CES5A: variants seen among roughly 807,000 people sequenced by gnomAD.
CES5A encodes carboxylesterase 5.
In CES5A, 67 loss-of-function variants were observed where a neutral mutation model predicts 62.9. The ratio of observed to expected loss-of-function variants is 1.07; its 90% CI spans 0.88 to 1.31. The LOEUF (loss-of-function observed/expected upper bound fraction) is 1.31. Among genes scored for constraint, CES5A ranks in the 50% most tolerant of loss-of-function variants. CES5A has a pLI of 0.00. For missense variants in CES5A, 748 were observed against 708.5 expected, an observed-to-expected ratio of 1.06 and a Z score of -0.63; for synonymous variants, 296 against 280.8, an observed-to-expected ratio of 1.05 and a Z score of -0.54.
chr16:55,912,369 T>C (rs999843444), intron 1 of CES5A, among the ~76,000 whole-genome samples: 3 of 152,210 alleles, frequency 2.0e-5, no homozygotes. Flanking sequence ...GGAGCTGTGC[T>C]GTGCCGGGTC....
intron 2 of CES5A, among the ~76,000 whole-genome samples, chr16:55,940,666 C>T (rs925034126): frequency 9.9e-5 from 15 of 151,616 alleles, no homozygotes; most frequent in African/African-American, 3.4e-4. Context: ...AACATATACC[C>T]AACTCATTTC....
In CES5A at chr16:55,857,973, T is replaced by C. The variant is rs541674926; in HGVS notation, c.1057-1528A>G. On this transcript the variant is annotated intron_variant, in intron 8 of 12. Coordinates refer to ENST00000290567, the MANE Select transcript of CES5A (RefSeq NM_001143685.2). ...ACTTTGGGAGGCCAAAGCAGGTGGA[T>C]CACTTGAGGTCAGGAGTTGGAAACC... Among the ~76,000 whole-genome samples, 49 of 152,218 alleles carry C rather than the reference T, an allele frequency of 3.2e-4. No homozygotes were observed. The South Asian group carries it at 0.01, about 32-fold the overall frequency.
In CES5A at chr16:55,869,657, G is replaced by T. The variant is rs764669055; in HGVS notation, c.505C>A (p.Leu169Met). 2.5e-6 allele frequency: 4 copies of T among 1,613,578 alleles called. No individual in the cohort carries two copies. The African/African-American group carries it at 5.3e-5, about 22-fold the overall frequency. The change falls in exon 4 of 13, where the codon CTG (leucine) becomes ATG (methionine). Residue 169 changes from leucine to methionine, a missense_variant. Physicochemically the swap from Leu to Met is conservative, Grantham distance 15. Coordinates refer to ENST00000290567, the MANE Select transcript of CES5A (RefSeq NM_001143685.2). ...AGCCGGTACTGGACGACCACAACCA[G>T]CACGTCCTCATAGGCAGCCAGGGCG... ...GSALAAYEDVLVVVVQYRLGI... is the reference protein window; with the variant it reads ...GSALAAYEDVMVVVVQYRLGI...
chr16:55,913,072 G>A (rs113465509), intron 1 of CES5A, among the ~76,000 whole-genome samples: 62 of 152,260 alleles, frequency 4.1e-4, no homozygotes, highest in African/African-American at 1.3e-3. Context: ...GCGGGAGACC[G>A]GAATTTTATT....
At chr16:55,879,709 G>GACAAACTACTGGGC (rs1258900789), upstream of CES5A, among the ~76,000 whole-genome samples, 1 of 152,114 alleles carries the variant, frequency 6.6e-6, no homozygotes, top group East Asian at 1.9e-4. Context: ...TCCCACTTCA[G>GACAAACTACTGGGC]TCTCCCAAGT....
At chr16:55,872,876 T>C (rs1460753857) in intron 2 of CES5A, among the ~76,000 whole-genome samples, 3 of 152,082 alleles carry the variant, frequency 2.0e-5, no homozygotes, top group Non-Finnish European at 4.4e-5. Flanking sequence ...CTCTCCATGC[T>C]CCATGATGAC....
intron 4 of CES5A, among the ~76,000 whole-genome samples, chr16:55,868,109 C>A (rs561233070): frequency 6.6e-6 from 1 of 152,212 alleles, no homozygotes; most frequent in South Asian, 2.1e-4. Flanking sequence ...CCCTATCAGG[C>A]CTGTCCTTGC....
chr16:55,860,721 A>G (rs2033335446), intron 7 of CES5A, among the ~76,000 whole-genome samples: 1 of 152,226 alleles, frequency 6.6e-6, no homozygotes, highest in Admixed American at 6.5e-5. Flanking sequence ...AAAGGAGCAC[A>G]TGGAAGAGTT....
At chr16:55,852,764 G>T (rs2033157261) in intron 10 of CES5A, 117 bp downstream of exon 10, 2 of 1,150,984 alleles carry the variant, frequency 1.7e-6, no homozygotes, top group Non-Finnish European at 2.4e-6. Context: ...ACCTGGAAAT[G>T]CACTTTCCAT....
upstream of CES5A, among the ~76,000 whole-genome samples, chr16:55,877,713 C>T (rs1190322629): frequency 1.3e-5 from 2 of 152,100 alleles, no homozygotes; most frequent in Non-Finnish European, 2.9e-5. Context: ...AGGTACCAGA[C>T]CCTGGGCTAA....
chr16:55,892,959 A>C (rs1383752902), intron 1 of CES5A, among the ~76,000 whole-genome samples: 1 of 152,156 alleles, frequency 6.6e-6, no homozygotes, highest in East Asian at 1.9e-4. Context: ...TGCAGGGACA[A>C]GGAAAAATCA....
Position 55,849,714 on chromosome 16 carries a change from T to G in CES5A, c.1333A>C (p.Thr445Pro). 1 of 1,613,990 alleles carries G rather than the reference T, an allele frequency of 6.2e-7. No individual in the cohort carries two copies. The highest frequency in any genetic ancestry group is 1.1e-5 in the South Asian group (1 of 91,080). ...TCGGCTTTGACAAAAGCTGGCTTCG[T>G]GTCTTCAAAGCACTGAGGCCGGTGC... The part of the protein sequence containing the change: ...FRHRPQCFED[T>P]KPAFVKADHA... Residue 445 changes from threonine to proline, a missense_variant, in exon 11 of 13, where the codon ACG (threonine) becomes CCG (proline). Physicochemically the swap from Thr to Pro is conservative, Grantham distance 38. Transcript: ENST00000290567.
chr16:55,853,839 G>A (rs1258873691), intron 9 of CES5A, among the ~76,000 whole-genome samples: 1 of 152,182 alleles, frequency 6.6e-6, no homozygotes, highest in East Asian at 1.9e-4. Context: ...GGTGCTCTAG[G>A]AAATGCTGGA....
At position 55,848,474 on chromosome 16, in the gene CES5A, C is replaced by T. The variant is rs568719329; in HGVS notation, c.1423+1150G>A. Among the ~76,000 whole-genome samples, 17 of 152,234 alleles carry T rather than the reference C, an allele frequency of 1.1e-4. No homozygotes were observed. The South Asian group carries it at 3.3e-3, about 30-fold the overall frequency. ...TCTATTAATGTATAAAATTGTTTCT[C>T]ACACCTGCTTGAATACATTATTTTA... is the stretch of plus-strand genomic sequence containing the variant. On this transcript the variant is annotated intron_variant, in intron 11 of 12. Coordinates refer to ENST00000290567, the MANE Select transcript of CES5A (RefSeq NM_001143685.2).
chr16:55,877,144 C>G (rs554925880), upstream of CES5A, among the ~76,000 whole-genome samples: 5 of 152,200 alleles, frequency 3.3e-5, no homozygotes, highest in African/African-American at 4.8e-5. Context: ...CAAGCTCCCT[C>G]TGCCCTCCCA....
At chr16:55,947,859 G>T (rs1567366416) in intron 2 of CES5A, among the ~76,000 whole-genome samples, 4 of 152,068 alleles carry the variant, frequency 2.6e-5, no homozygotes, top group African/African-American at 9.7e-5. Flanking sequence ...GGGAGGGCCA[G>T]GTCATAAACA....
intron 9 of CES5A, among the ~76,000 whole-genome samples, chr16:55,854,777 C>T (rs1179559502): frequency 2.6e-5 from 4 of 151,880 alleles, no homozygotes; most frequent in African/African-American, 9.7e-5. Context: ...AGCAATCCTC[C>T]TGCCTTGGCC....
chr16:55,891,799 T>C (rs1294509109), intron 1 of CES5A, among the ~76,000 whole-genome samples: 5 of 152,196 alleles, frequency 3.3e-5, no homozygotes, highest in African/African-American at 1.2e-4. Context: ...TAAATTCTCA[T>C]CAGATGGGTT....
intron 1 of CES5A, among the ~76,000 whole-genome samples, chr16:55,954,792 C>T (rs948598229): frequency 1.4e-4 from 22 of 152,264 alleles, no homozygotes; most frequent in Admixed American, 7.2e-4. Context: ...CAATCCCTTC[C>T]AGGAACTAAG....
Sources: allele counts gnomAD v4.1 joint callset (sites outside exome capture counted in the v4.1 genomes callset), GRCh38; gene constraint gnomAD v4.1.1; transcripts MANE v1.5; gene names NCBI Gene and HGNC (gene_info 2026-07-23, HGNC 2026-07-21).